SIK2: variants seen among roughly 807,000 people sequenced by gnomAD.
The protein encoded by SIK2 is salt inducible kinase 2.
Under a neutral mutation model 103.2 loss-of-function variants are expected in SIK2, and 29 were observed. The observed-to-expected ratio is 0.28, with a 90% CI of 0.21 to 0.38. The LOEUF (loss-of-function observed/expected upper bound fraction) is 0.38. Among genes scored for constraint, SIK2 ranks in the 10% least tolerant of loss-of-function variants. The pLI is 1.00. For synonymous variants in SIK2, 412 were observed against 446.1 expected (o/e 0.92, Z 0.96); for missense variants, 879 against 1,171.0 (o/e 0.75, Z 3.64).
intron 3 of SIK2, among the ~76,000 whole-genome samples, chr11:111,636,491 G>A (rs1328266226): frequency 2.6e-5 from 4 of 152,152 alleles, no homozygotes; most frequent in African/African-American, 9.7e-5. Context: ...TGCCTTCTTT[G>A]AGTTTATACT....
chr11:111,726,920 T>C lies in SIK2; in HGVS notation c.*2791T>C, dbSNP rs747536782. 1.9e-6 allele frequency: 3 copies of C among 1,588,720 alleles called. No individual in the cohort carries two copies. The highest frequency in any genetic ancestry group is 1.3e-5 in the African/African-American group (1 of 74,290). The stretch of plus-strand genomic sequence containing the variant: ...ATTTCGTTCGGCAAAAAGTGCAATA[T>C]GTGTGGTACTTTATTTTTTATGTTC... On this transcript the variant is annotated 3_prime_UTR_variant, in exon 15 of 15. Coordinates refer to ENST00000304987, the MANE Select transcript of SIK2 (RefSeq NM_015191.3).
intron 2 of SIK2, among the ~76,000 whole-genome samples, chr11:111,618,152 C>T (rs1941833516): frequency 6.6e-6 from 1 of 152,004 alleles, no homozygotes; most frequent in Admixed American, 6.5e-5. Flanking sequence ...AGTGTGAATC[C>T]TAGATCCCTC....
intron 1 of SIK2, among the ~76,000 whole-genome samples, chr11:111,605,483 A>G (rs890254024): frequency 2.0e-5 from 3 of 152,238 alleles, no homozygotes; most frequent in Non-Finnish European, 4.4e-5. Context: ...GGAACAATGA[A>G]TATGGTATAA....
chr11:111,670,211 T>A (rs549828560), intron 3 of SIK2, among the ~76,000 whole-genome samples: 1 of 152,340 alleles, frequency 6.6e-6, no homozygotes, highest in East Asian at 1.9e-4. Context: ...CTGCTGCCAC[T>A]TTTGCGCCTT....
chr11:111,616,028 A>G (rs1356574311), intron 1 of SIK2, among the ~76,000 whole-genome samples: 1 of 152,236 alleles, frequency 6.6e-6, no homozygotes, highest in Non-Finnish European at 1.5e-5. Flanking sequence ...TATTCTTCAT[A>G]GCACACTAAA....
At chr11:111,661,330 C>A (rs1591605358) in intron 3 of SIK2, among the ~76,000 whole-genome samples, 1 of 152,206 alleles carries the variant, frequency 6.6e-6, no homozygotes, top group East Asian at 1.9e-4. Context: ...CAGAGAGAAG[C>A]CACAGAATGG....
At chr11:111,604,149 G>A (rs1022441686) in intron 1 of SIK2, among the ~76,000 whole-genome samples, 4 of 152,234 alleles carry the variant, frequency 2.6e-5, no homozygotes, top group Admixed American at 1.3e-4. Flanking sequence ...CTTGACTATA[G>A]TGATATTGTT....
In SIK2 at chr11:111,726,451, C is replaced by T. The variant is rs769878564; in HGVS notation, c.*2322C>T. The stretch of plus-strand genomic sequence containing the variant: ...CAGGATCCGTCACACACGGCAGCGG[C>T]GTGGACACCGGCCTGATGCAGAGCG... On this transcript the variant is annotated 3_prime_UTR_variant, in exon 15 of 15. Coordinates refer to ENST00000304987, the MANE Select transcript of SIK2 (RefSeq NM_015191.3). 5.2e-5 allele frequency: 8 copies of T among 154,428 alleles called. No individual in the cohort carries two copies. Among genetic ancestry groups the T allele is most frequent in the Admixed American group, 3.2e-4 (5 of 15,808 alleles). 9.6% of individuals were successfully genotyped at this position (154,428 alleles called of 1,614,324 possible).
Position 111,723,861 on chromosome 11 carries a change from C to T in SIK2, c.2513C>T (p.Ala838Val). The change falls in exon 15 of 15, where the codon GCC becomes GTC. Residue 838 changes from alanine (A) to valine (V), a missense_variant. Transcript: ENST00000304987. The part of the protein sequence containing the change: ...PPPPPRQPGA[A>V]PAPLQFSYQT... ...CCACCACCACGACAGCCAGGAGCTG[C>T]CCCAGCCCCCTTACAGTTCTCCTAT... 4 of 1,613,340 alleles carry T rather than the reference C, an allele frequency of 2.5e-6. No individual in the cohort carries two copies. Among genetic ancestry groups the T allele is most frequent in the Non-Finnish European group, 3.4e-6 (4 of 1,179,824 alleles).
At chr11:111,616,419 C>T (rs1294140585) in intron 2 of SIK2, 60 bp downstream of exon 2, 4 of 924,084 alleles carry the variant, frequency 4.3e-6, no homozygotes, top group Admixed American at 2.1e-5. Context: ...TATTTCGTAT[C>T]ATGATTTTTC....
At chr11:111,677,067 AT>A (rs2135884919) in intron 3 of SIK2, among the ~76,000 whole-genome samples, 1 of 152,326 alleles carries the variant, frequency 6.6e-6, no homozygotes, top group South Asian at 2.1e-4. Flanking sequence ...TCCTGGAGCG[AT>A]GATAAAAATA....
At chr11:111,643,275 G>A (rs1322331722) in intron 3 of SIK2, among the ~76,000 whole-genome samples, 3 of 152,044 alleles carry the variant, frequency 2.0e-5, no homozygotes, top group Non-Finnish European at 2.9e-5. Flanking sequence ...TTATATTTTA[G>A]GGAAGGGAAC....
In SIK2 at chr11:111,727,214, A is replaced by C; in HGVS notation, c.*3085A>C. 3.1e-6 allele frequency: 2 copies of C among 649,718 alleles called. No homozygotes were observed. Among genetic ancestry groups the C allele is most frequent in the Non-Finnish European group, 5.5e-6 (2 of 366,736 alleles). The allele number at this position is 649,718 out of a possible 1,614,324, so 40.2% of individuals were successfully genotyped here. The stretch of plus-strand genomic sequence containing the variant: ...AGGCTGATGGTTCTCTACACCATCC[A>C]CCTTGAGAATCCCTGCGTGGGAGAG... On this transcript the variant is annotated 3_prime_UTR_variant, in exon 15 of 15. Transcript: ENST00000304987.
intron 3 of SIK2, among the ~76,000 whole-genome samples, chr11:111,658,194 C>T (rs908301255): frequency 5.3e-5 from 8 of 150,600 alleles, no homozygotes; most frequent in South Asian, 2.1e-4. Context: ...GGCGTGAGCT[C>T]GGCTCACTGC....
chr11:111,710,908 A>G (rs912754221), intron 8 of SIK2, among the ~76,000 whole-genome samples: 6 of 152,166 alleles, frequency 3.9e-5, no homozygotes, highest in Admixed American at 1.3e-4. Context: ...TGAAATAACT[A>G]TAGCCGGAAA....
chr11:111,716,771 G>A (rs4936661), intron 9 of SIK2, among the ~76,000 whole-genome samples: 36,921 of 151,870 alleles, frequency 0.24, 4,690 homozygotes, highest in Middle Eastern at 0.31. Flanking sequence ...GGGTACTGCC[G>A]GGTATTTTGT....
At chr11:111,671,264 T>C in intron 3 of SIK2, 1 of 250,998 alleles carries the variant, frequency 4.0e-6, no homozygotes, top group South Asian at 5.3e-5. Flanking sequence ...AGGGCTAAAT[T>C]GATGTTCATG....
intron 3 of SIK2, among the ~76,000 whole-genome samples, chr11:111,683,935 AC>A (rs1942810480): frequency 6.6e-6 from 1 of 152,214 alleles, no homozygotes; most frequent in African/African-American, 2.4e-5. Context: ...AGCAGATGTT[AC>A]AGTTTTCAAG....
rs1349584237 is a variant in SIK2 at position 111,701,820 on chromosome 11, G to C, written c.727+245G>C. ...CAGCATGTCTTCTCATTCATTCTGGGTCTATAAATGTCCCAGGTTTATTTT... is the reference window on the plus strand; with the variant it reads ...CAGCATGTCTTCTCATTCATTCTGGCTCTATAAATGTCCCAGGTTTATTTT... On this transcript the variant is annotated intron_variant, in intron 6 of 14. Transcript: ENST00000304987. The surrounding 1 kb of genome is among the most constrained non-coding windows in gnomAD (Gnocchi z 4.2). Among the ~76,000 whole-genome samples, 1 of 152,074 alleles carries C rather than the reference G, an allele frequency of 6.6e-6. No individual in the cohort carries two copies. The highest frequency in any genetic ancestry group is 1.5e-5 in the Non-Finnish European group (1 of 68,024).
Sources: allele counts gnomAD v4.1 joint callset (sites outside exome capture counted in the v4.1 genomes callset), GRCh38; gene constraint gnomAD v4.1.1; non-coding constraint Gnocchi (gnomAD v3.1); transcripts MANE v1.5; gene names NCBI Gene and HGNC (gene_info 2026-07-23, HGNC 2026-07-21).